The following TLN2 variants were observed in gnomAD, a reference collection of about 807,000 sequenced individuals.
TLN2 encodes the protein talin-2.
TLN2 carries 118 observed loss-of-function variants against 294.7 expected under a neutral mutation model. The ratio of observed to expected loss-of-function variants is 0.40; its 90% CI spans 0.34 to 0.47. TLN2 has a LOEUF of 0.47. TLN2 is among the 20% of genes least tolerant of loss of function. The pLI, the probability that TLN2 is intolerant of heterozygous loss-of-function variation, is 0.84. For missense variants in TLN2, 3,083 were observed against 3,282.2 expected (o/e 0.94, Z 1.48); for synonymous variants, 1,431 against 1,304.5 (o/e 1.10, Z -2.09).
At chr15:62,825,829 A>AT (rs10670862) in intron 54 of TLN2, among the ~76,000 whole-genome samples, 736 of 12,794 alleles carry the variant, frequency 0.058, 25 homozygotes, top group South Asian at 0.14. Flanking sequence ...TATATATTAT[A>AT]ATATATAATA....
At chr15:62,422,733 A>G (rs532214898) in intron 1 of TLN2, among the ~76,000 whole-genome samples, 40 of 152,118 alleles carry the variant, frequency 2.6e-4, no homozygotes, top group South Asian at 4.2e-4. Flanking sequence ...TCTTTAATCA[A>G]CCCATCTTCA....
At chr15:62,813,618 C>T (rs915703405) in intron 52 of TLN2, among the ~76,000 whole-genome samples, 1 of 152,136 alleles carries the variant, frequency 6.6e-6, no homozygotes, top group Non-Finnish European at 1.5e-5. Context: ...AGTTCTCCAG[C>T]TCCAAGATTA....
At chr15:62,802,437 C>CACACAT (rs1555513697) in intron 50 of TLN2, among the ~76,000 whole-genome samples, 4 of 141,230 alleles carry the variant, frequency 2.8e-5, no homozygotes, top group African/African-American at 1.0e-4. Context: ...CACACACACA[C>CACACAT]ATATATATAA....
chr15:62,473,328 T>C (rs1224797721), intron 1 of TLN2, among the ~76,000 whole-genome samples: 1 of 151,812 alleles, frequency 6.6e-6, no homozygotes, highest in Non-Finnish European at 1.5e-5. Flanking sequence ...GAGGTCCCTG[T>C]CACTAACACA....
At chr15:62,521,756 C>T (rs1211741499) in intron 1 of TLN2, among the ~76,000 whole-genome samples, 1 of 152,110 alleles carries the variant, frequency 6.6e-6, no homozygotes, top group African/African-American at 2.4e-5. Context: ...GGAGATTCCC[C>T]CATGCAAACG....
chr15:62,650,293 G>A (rs2052441989), intron 5 of TLN2, 112 bp downstream of exon 5: 3 of 1,062,200 alleles, frequency 2.8e-6, no homozygotes, highest in Admixed American at 2.3e-5. Flanking sequence ...TTAATAGTTC[G>A]ATGCATTGTA....
intron 56 of TLN2, 37 bp downstream of exon 56, chr15:62,835,836 G>T (rs1352976927): frequency 3.1e-6 from 5 of 1,614,160 alleles, no homozygotes; most frequent in Non-Finnish European, 4.2e-6. Flanking sequence ...TTTGCTTTTG[G>T]GGTCCCCTGA....
chr15:62,683,149 C>T (rs1292062529), intron 11 of TLN2: 1 of 152,298 alleles, frequency 6.6e-6, no homozygotes, highest in East Asian at 1.9e-4. Context: ...TCAGCTGGAT[C>T]ATGGGGAGGA....
At chr15:62,809,861 G>A in intron 51 of TLN2, 64 bp from the exon 52 acceptor site, 1 of 1,512,362 alleles carries the variant, frequency 6.6e-7, no homozygotes, top group Non-Finnish European at 9.1e-7. Flanking sequence ...TTGCCTCTGA[G>A]TCTGGGACTG....
chr15:62,435,160 CT>C (rs2035226518), intron 1 of TLN2, among the ~76,000 whole-genome samples: 1 of 152,182 alleles, frequency 6.6e-6, no homozygotes, highest in South Asian at 2.1e-4. Flanking sequence ...TTTATCCAGT[CT>C]ATCATTGATG....
chr15:62,664,891 TAAAG>T (rs1413552340), intron 9 of TLN2, among the ~76,000 whole-genome samples: 7 of 75,412 alleles, frequency 9.3e-5, no homozygotes, highest in African/African-American at 2.9e-4. Flanking sequence ...GGCTACCTAA[TAAAG>T]AAAGGATATG....
At chr15:62,723,326 A>T (rs1208281365) in intron 26 of TLN2, among the ~76,000 whole-genome samples, 1 of 152,170 alleles carries the variant, frequency 6.6e-6, no homozygotes, top group Non-Finnish European at 1.5e-5. Context: ...TCACCTGGGG[A>T]TGCTTATTAG....
rs540801753 is a variant in TLN2, at chr15:62,843,302, C to T, written c.*2692C>T. 2 of 152,352 alleles carry T rather than the reference C, an allele frequency of 1.3e-5. No individual in the cohort carries two copies. Among genetic ancestry groups the T allele is most frequent in the African/African-American group, 4.8e-5 (2 of 41,582 alleles). The allele number at this position is 152,352 out of a possible 1,614,324, so 9.4% of individuals were successfully genotyped here. Reference sequence around the variant, plus strand: ...CAAAAGGGGAACCTGAACTGGATTTCAGAACTGCCCAGTGATTTGAAAATT... The same window carrying T: ...CAAAAGGGGAACCTGAACTGGATTTTAGAACTGCCCAGTGATTTGAAAATT... On this transcript the variant is annotated 3_prime_UTR_variant, in exon 59 of 59. Transcript: ENST00000636159.
chr15:62,826,489 C>T (rs1310756506), intron 54 of TLN2, among the ~76,000 whole-genome samples: 1 of 152,212 alleles, frequency 6.6e-6, no homozygotes, highest in East Asian at 1.9e-4. Flanking sequence ...ACAAGGCCAG[C>T]TGTCCATGCC....
rs1555522053 is a variant in TLN2, at chr15:62,825,836, A to ATTATAATATATAAT, written c.7002+5226_7002+5227insTTATAATATATAAT. Among the ~76,000 whole-genome samples, 17 of 77,044 alleles carry ATTATAATATATAAT rather than the reference A, an allele frequency of 2.2e-4. 2 individuals carry two copies. The highest frequency in any genetic ancestry group is 1.4e-3 in the African/African-American group (17 of 12,154). 50.5% of individuals were successfully genotyped at this position (77,044 alleles called of 152,430 possible). A position where few individuals can be genotyped will look rare whatever the true frequency, so the allele number is the denominator to read the frequency against. ...TATTATAATATATATTATAATATAT[A>ATTATAATATATAAT]ATATATATAAATATATTATATATAT... On this transcript the variant is annotated intron_variant, in intron 54 of 58. Coordinates refer to ENST00000636159, the MANE Select transcript of TLN2 (RefSeq NM_015059.3).
intron 1 of TLN2, among the ~76,000 whole-genome samples, chr15:62,439,261 A>G (rs1020120159): frequency 2.6e-5 from 4 of 152,198 alleles, no homozygotes; most frequent in Admixed American, 6.5e-5. Context: ...GTCAGCCTAG[A>G]TAAAACCTGT....
intron 3 of TLN2, among the ~76,000 whole-genome samples, chr15:62,642,777 G>A (rs1025626323): frequency 2.0e-5 from 3 of 150,974 alleles, no homozygotes; most frequent in South Asian, 2.1e-4. Flanking sequence ...TGCTCATTGC[G>A]GGTTCAATGA....
chr15:62,752,518 T>C, intron 35 of TLN2, 91 bp downstream of exon 35: 1 of 1,535,818 alleles, frequency 6.5e-7, no homozygotes. Flanking sequence ...TTTCTCCAAG[T>C]ACCACCACAG....
rs1311555906 is a variant in TLN2, at chr15:62,682,369, A to C, written c.958-4272A>C. ...GGTCCATAAAAAATAAGCCGGATTT[A>C]GCATTGGCCATAGTTTACCCACCTC... On this transcript the variant is annotated intron_variant, in intron 11 of 58. Transcript: ENST00000636159. 2.0e-5 allele frequency among the ~76,000 whole-genome samples: 3 copies of C among 152,206 alleles called. No homozygotes were observed. In the South Asian group the frequency reaches 6.2e-4, roughly 32 times the overall value.
Sources: allele counts gnomAD v4.1 joint callset (sites outside exome capture counted in the v4.1 genomes callset), GRCh38; gene constraint gnomAD v4.1.1; transcripts MANE v1.5; gene names NCBI Gene and HGNC (gene_info 2026-07-23, HGNC 2026-07-21).